COMT: variants seen among roughly 807,000 people sequenced by gnomAD.
COMT encodes the protein catechol-O-methyltransferase.
Under a neutral mutation model 18.9 loss-of-function variants are expected in COMT, and 13 were observed. The observed-to-expected ratio is 0.69, with a 90% confidence interval of 0.45 to 1.09. COMT has a LOEUF of 1.09. COMT is among the 50% of genes least tolerant of loss of function. COMT has a pLI of 0.00. For missense variants in COMT, 329 were observed against 361.8 expected, an observed-to-expected ratio of 0.91 and a Z score of 0.73; for synonymous variants, 150 against 160.9, an observed-to-expected ratio of 0.93 and a Z score of 0.51.
At chr22:19,963,273 A>G (rs1942245066) in intron 3 of COMT, 1 of 574,512 alleles carries the variant, frequency 1.7e-6, no homozygotes, top group African/African-American at 1.9e-5. Context: ...GTTAGGACAC[A>G]CTGGGGCCAG....
chr22:19,943,907 G>A (rs1211432978), intron 1 of COMT, among the ~76,000 whole-genome samples: 1 of 152,214 alleles, frequency 6.6e-6, no homozygotes, highest in African/African-American at 2.4e-5. Flanking sequence ...CTGGAGGGGG[G>A]GTCTTCCTGG....
intron 1 of COMT, among the ~76,000 whole-genome samples, chr22:19,946,910 G>GGTT (rs763607822): frequency 1.3e-4 from 15 of 117,108 alleles, no homozygotes; most frequent in African/African-American, 3.4e-4. Context: ...TTTTTTTTTA[G>GGTT]TTTTTTTTTT....
intron 2 of COMT, chr22:19,962,287 G>C (rs781598747): frequency 1.6e-6 from 1 of 620,162 alleles, no homozygotes; most frequent in Non-Finnish European, 2.8e-6. Context: ...TGACCCTGCA[G>C]GCTCCACACA....
At chr22:19,947,733 A>G (rs1941862740) in intron 1 of COMT, among the ~76,000 whole-genome samples, 1 of 145,778 alleles carries the variant, frequency 6.9e-6, no homozygotes, top group African/African-American at 2.4e-5. Context: ...GCCTCCGGAT[A>G]ACTGTGGGCA....
chr22:19,959,208 G>A (rs1331030272), intron 1 of COMT, among the ~76,000 whole-genome samples: 1 of 152,246 alleles, frequency 6.6e-6, no homozygotes, highest in Non-Finnish European at 1.5e-5. Flanking sequence ...GGGAACATCC[G>A]AGCAGCTTTG....
chr22:19,954,218 C>CAAAAAAAAAA (rs361699), intron 1 of COMT, among the ~76,000 whole-genome samples: 2 of 135,430 alleles, frequency 1.5e-5, no homozygotes, highest in Admixed American at 7.4e-5. Context: ...GGTATTGAGT[C>CAAAAAAAAAA]AAAAAAAAAA....
chr22:19,947,744 A>G (rs174681), intron 1 of COMT, among the ~76,000 whole-genome samples: 152,093 of 152,330 alleles, frequency 1, 75,928 homozygotes, highest in Middle Eastern at 1. Context: ...ACTGTGGGCA[A>G]ACCTGACACT....
chr22:19,944,706 CAGCT>C (rs1941808300), intron 1 of COMT, among the ~76,000 whole-genome samples: 1 of 150,352 alleles, frequency 6.7e-6, no homozygotes, highest in South Asian at 2.1e-4. Flanking sequence ...CCTGTAGTCC[CAGCT>C]ACTTGGGAGG....
intron 5 of COMT, 127 bp downstream of exon 5, chr22:19,964,426 C>T (rs1362103925): frequency 6.7e-6 from 9 of 1,352,276 alleles, no homozygotes; most frequent in South Asian, 6.1e-5. Flanking sequence ...TCTGGAGGCA[C>T]CACCTGAGGT....
chr22:19,968,080 C>T (rs1189788322), intron 5 of COMT, among the ~76,000 whole-genome samples: 1 of 152,178 alleles, frequency 6.6e-6, no homozygotes, highest in Non-Finnish European at 1.5e-5. Context: ...GGGAGGTCTG[C>T]CCCACCTCAG....
In COMT at chr22:19,968,538, A is replaced by T. The variant is rs550339713; in HGVS notation, c.618A>T (p.Glu206Asp). 7.4e-5 allele frequency: 119 copies of T among 1,608,916 alleles called. 1 individual carries two copies. In the South Asian group the frequency reaches 1.3e-3, roughly 17 times the overall value. The change falls in exon 6 of 6, where the codon GAA (glutamate) becomes GAT (aspartate). Residue 206 changes from glutamate (E) to aspartate (D), a missense_variant and splice_region_variant. Transcript: ENST00000361682. Reference protein sequence around the residue: ...RYLPDTLLLEECGLLRKGTVL... With the variant: ...RYLPDTLLLEDCGLLRKGTVL... ...CCCACCCCCCGGTCTGTTTGCAGGA[A>T]TGTGGCCTGCTGCGGAAGGGGACAG...
chr22:19,941,787 A>C lies in COMT; in HGVS notation c.-202A>C, dbSNP rs571085983. 6.5e-7 allele frequency: 1 copy of C among 1,528,086 alleles called. No individual in the cohort carries two copies. Among genetic ancestry groups the C allele is most frequent in the South Asian group, 1.2e-5 (1 of 82,884 alleles). The allele number at this position is 1,528,086 out of a possible 1,614,324, so 94.7% of individuals were successfully genotyped here. On this transcript the variant is annotated 5_prime_UTR_variant, in exon 1 of 6. Coordinates refer to ENST00000361682, the MANE Select transcript of COMT (RefSeq NM_000754.4). ...GCGCCCTCCTAATCCCCGCAGCGCCACCGCCATTGCCGCCATCGTCGTGGG... is the reference window on the plus strand; with the variant it reads ...GCGCCCTCCTAATCCCCGCAGCGCCCCCGCCATTGCCGCCATCGTCGTGGG...
intron 1 of COMT, among the ~76,000 whole-genome samples, chr22:19,947,547 C>G (rs1207743024): frequency 1.3e-5 from 2 of 151,704 alleles, no homozygotes; most frequent in African/African-American, 4.8e-5. Context: ...GTTTGGCAGC[C>G]GAGGCGGACA....
intron 3 of COMT, among the ~76,000 whole-genome samples, chr22:19,963,093 T>C (rs531678754): frequency 3.3e-5 from 5 of 152,238 alleles, no homozygotes; most frequent in Non-Finnish European, 7.4e-5. Flanking sequence ...CTGGCCACCA[T>C]GGGACCTGCC....
chr22:19,967,431 A>T (rs1942474413), intron 5 of COMT: 2 of 468,542 alleles, frequency 4.3e-6, no homozygotes, highest in Non-Finnish European at 8.8e-6. Context: ...ATCATGATTC[A>T]TGGTGGTACT....
chr22:19,960,270 G>T (rs895565709), intron 1 of COMT, among the ~76,000 whole-genome samples: 9 of 152,222 alleles, frequency 5.9e-5, no homozygotes, highest in Admixed American at 2.0e-4. Flanking sequence ...TAAATATGGA[G>T]AGTAAACAAA....
At chr22:19,968,323 T>C (rs1029867851) in intron 5 of COMT, among the ~76,000 whole-genome samples, 3 of 152,212 alleles carry the variant, frequency 2.0e-5, no homozygotes, top group Admixed American at 6.5e-5. Flanking sequence ...GAAAGGTCCC[T>C]GTCCTCACGG....
At chr22:19,952,578 GCAGTGAGCCGAGAT>G (rs1403644907) in intron 1 of COMT, among the ~76,000 whole-genome samples, 1 of 151,718 alleles carries the variant, frequency 6.6e-6, no homozygotes, top group Admixed American at 6.6e-5. Context: ...GATGGAGCTT[GCAGTGAGCCGAGAT>G]TGCGCCACTG....
At chr22:19,962,989 T>C (rs775305262) in intron 3 of COMT, 174 bp downstream of exon 3, 7 of 766,702 alleles carry the variant, frequency 9.1e-6, no homozygotes, top group African/African-American at 1.8e-5. Context: ...GGGTCCCTGA[T>C]GACCCCTGCA....
Sources: allele counts gnomAD v4.1 joint callset (sites outside exome capture counted in the v4.1 genomes callset), GRCh38; gene constraint gnomAD v4.1.1; transcripts MANE v1.5; gene names NCBI Gene and HGNC (gene_info 2026-07-23, HGNC 2026-07-21).